Variants in ACSF2 observed in about 807,000 individuals in gnomAD.
ACSF2 encodes medium-chain acyl-CoA ligase ACSF2, mitochondrial.
Under a neutral mutation model 79.3 loss-of-function variants are expected in ACSF2, and 52 were observed. The observed-to-expected ratio is 0.66, with a 90% CI of 0.53 to 0.83. ACSF2 has a LOEUF of 0.83. Ranked by LOEUF, ACSF2 falls within the 40% of genes least tolerant of loss-of-function variation. ACSF2 has a pLI of 0.00. For missense variants in ACSF2, 661 were observed against 803.3 expected, an observed-to-expected ratio of 0.82 and a Z score of 2.14; for synonymous variants, 283 against 312.6, an observed-to-expected ratio of 0.91 and a Z score of 1.00.
Position 50,474,774 on chromosome 17 carries a change from C to T in ACSF2, c.*222C>T. On this transcript the variant is annotated 3_prime_UTR_variant, in exon 16 of 16. Coordinates refer to ENST00000300441, the MANE Select transcript of ACSF2 (RefSeq NM_025149.6). The surrounding 1 kb of genome is among the most constrained non-coding windows in gnomAD (Gnocchi z 4.2). The stretch of plus-strand genomic sequence containing the variant: ...AGCCTGCCCAGGCCCTCCCTCCTGT[C>T]CATCCCCCACATTCCCCTGTCTGTC... 1.8e-6 allele frequency: 1 copy of T among 567,470 alleles called. No homozygotes were observed. Among genetic ancestry groups the T allele is most frequent in the African/African-American group, 1.9e-5 (1 of 53,034 alleles). 35.2% of individuals were successfully genotyped at this position (567,470 alleles called of 1,614,324 possible).
chr17:50,447,498 C>T (rs190688108), intron 1 of ACSF2, among the ~76,000 whole-genome samples: 56 of 151,984 alleles, frequency 3.7e-4, no homozygotes, highest in Non-Finnish European at 5.4e-4. Flanking sequence ...GCCGAGATCG[C>T]GCCACTGCAC....
chr17:50,429,476 C>T (rs1159223390), intron 1 of ACSF2, among the ~76,000 whole-genome samples: 2 of 152,016 alleles, frequency 1.3e-5, no homozygotes, highest in African/African-American at 2.4e-5. Flanking sequence ...GCTGGACGTC[C>T]TCCTCTCCGT....
chr17:50,436,097 TTTG>T lies in ACSF2; in HGVS notation c.128+9726_128+9728del, dbSNP rs143622318. 1.0e-3 allele frequency among the ~76,000 whole-genome samples: 152 copies of T among 152,132 alleles called. 1 individual carries two copies. Among genetic ancestry groups the T allele is most frequent in the African/African-American group, 3.3e-3 (138 of 41,504 alleles). ...ATGTGAGACTTAGTCAGAGTTCATTTTTGTTGTTGTTGTTGTTGTTATTTTTTA... is the reference window on the plus strand; with the variant it reads ...ATGTGAGACTTAGTCAGAGTTCATTTTTGTTGTTGTTGTTGTTATTTTTTA... On this transcript the variant is annotated intron_variant, in intron 1 of 15. Transcript: ENST00000300441.
At chr17:50,434,874 C>A (rs542978043) in intron 1 of ACSF2, among the ~76,000 whole-genome samples, 97 of 148,506 alleles carry the variant, frequency 6.5e-4, no homozygotes, top group African/African-American at 2.3e-3. Context: ...TTTTTTTTTT[C>A]TTTTTTTTAT....
At chr17:50,461,720 G>C in intron 4 of ACSF2, 34 bp downstream of exon 4, 7 of 1,613,308 alleles carry the variant, frequency 4.3e-6, no homozygotes, top group Non-Finnish European at 5.1e-6. Context: ...GGCCCGGCTG[G>C]GGCCTGGCAC....
chr17:50,429,895 T>A (rs1156301003), intron 1 of ACSF2, among the ~76,000 whole-genome samples: 1 of 152,214 alleles, frequency 6.6e-6, no homozygotes, highest in Non-Finnish European at 1.5e-5. Flanking sequence ...TCCTTCCCCC[T>A]ATCTATGTGC....
chr17:50,440,585 G>A (rs1328541665), intron 1 of ACSF2, among the ~76,000 whole-genome samples: 1 of 152,248 alleles, frequency 6.6e-6, no homozygotes, highest in African/African-American at 2.4e-5. Context: ...ACATGACCAT[G>A]TCAGAACTGT....
At chr17:50,461,164 C>T in intron 2 of ACSF2, 78 bp from the exon 3 acceptor site, 1 of 1,597,946 alleles carries the variant, frequency 6.3e-7, no homozygotes, top group Non-Finnish European at 8.5e-7. Context: ...GAACTCCGGG[C>T]TAAGGGCTGA....
At position 50,460,753 on chromosome 17, in the gene ACSF2, C is replaced by A. The variant is rs2032282178; in HGVS notation, c.205C>A (p.Leu69Ile). 2 of 1,613,500 alleles carry A rather than the reference C, an allele frequency of 1.2e-6. No homozygotes were observed. The highest frequency in any genetic ancestry group is 2.2e-5 in the South Asian group (2 of 90,858). The change falls in exon 2 of 16, where the codon CTT becomes ATT. Residue 69 changes from leucine to isoleucine, a missense_variant. Coordinates refer to ENST00000300441, the MANE Select transcript of ACSF2 (RefSeq NM_025149.6). ...CGTTCAGGGGTGCACCAAAAAGCATCTTAACAGCAAGACTGTGGGCCAGTG... is the reference window on the plus strand; with the variant it reads ...CGTTCAGGGGTGCACCAAAAAGCATATTAACAGCAAGACTGTGGGCCAGTG... ...SYVQGCTKKH[L>I]NSKTVGQCLE...
chr17:50,469,519 C>G (rs2143790177), intron 10 of ACSF2, among the ~76,000 whole-genome samples: 1 of 152,310 alleles, frequency 6.6e-6, no homozygotes, highest in Non-Finnish European at 1.5e-5. Flanking sequence ...TCCAACCCCG[C>G]TTGCGTTTCT....
chr17:50,437,281 A>G (rs2030509098), intron 1 of ACSF2, among the ~76,000 whole-genome samples: 2 of 152,270 alleles, frequency 1.3e-5, no homozygotes, highest in African/African-American at 4.8e-5. Context: ...AATATGTTGA[A>G]TGAGGACTGA....
At position 50,464,771 on chromosome 17, in the gene ACSF2, G is replaced by GC. The variant is rs1555611937; in HGVS notation, c.1215+477_1215+478insC. On this transcript the variant is annotated intron_variant, in intron 10 of 15. Transcript: ENST00000300441. ...ACCTGTTGTGGTTCTGATTGACTTG[G>GC]GGGGGGGGTCTCAGCAACAGCTTCT... 4.3e-5 allele frequency: 14 copies of GC among 328,800 alleles called. 2 individuals carry two copies. The highest frequency in any genetic ancestry group is 1.1e-4 in the South Asian group (5 of 44,828). The allele number at this position is 328,800 out of a possible 1,614,324, so 20.4% of individuals were successfully genotyped here. A position where few individuals can be genotyped will look rare whatever the true frequency, so the allele number is the denominator to read the frequency against.
rs1046908425 is a variant in ACSF2 at position 50,472,617 on chromosome 17, A to AGG, written c.1475+41_1475+42dup. ...GGCGGGGTGGAGGCTCTGGCCGCTG[A>AGG]GGGGAGGCTGGAGGTCTTGAGGCTG... On this transcript the variant is annotated intron_variant, in intron 12 of 15. Transcript: ENST00000300441. 3 of 1,562,882 alleles carry AGG rather than the reference A, an allele frequency of 1.9e-6. No individual in the cohort carries two copies. The African/African-American group carries it at 4.1e-5, about 21-fold the overall frequency.
At chr17:50,437,616 A>G (rs1446430491) in intron 1 of ACSF2, among the ~76,000 whole-genome samples, 3 of 151,886 alleles carry the variant, frequency 2.0e-5, no homozygotes, top group Admixed American at 2.0e-4. Context: ...TGATCACGCC[A>G]TTGCACTCCA....
chr17:50,438,288 A>G (rs921594650), intron 1 of ACSF2, among the ~76,000 whole-genome samples: 16 of 152,246 alleles, frequency 1.1e-4, no homozygotes, highest in Admixed American at 4.6e-4. Flanking sequence ...CAGCAAGCTC[A>G]AGATCTAAGA....
At chr17:50,460,993 C>A (rs2032295973) in intron 2 of ACSF2, 121 bp downstream of exon 2, 3 of 1,259,780 alleles carry the variant, frequency 2.4e-6, no homozygotes, top group African/African-American at 1.5e-5. Flanking sequence ...TGCCAGAGAA[C>A]CCCGAGGGAT....
chr17:50,468,156 C>G, intron 10 of ACSF2: 1 of 1,614,210 alleles, frequency 6.2e-7, no homozygotes, highest in Non-Finnish European at 8.5e-7. Flanking sequence ...TCCTCCACCA[C>G]CCGTAGCTTG....
At chr17:50,468,545 A>G in intron 10 of ACSF2, 1 of 1,614,236 alleles carries the variant, frequency 6.2e-7, no homozygotes, top group Non-Finnish European at 8.5e-7. Flanking sequence ...ACCGGCGGCC[A>G]CCTCGCGGAT....
chr17:50,466,490 A>C (rs1800068117), intron 10 of ACSF2, among the ~76,000 whole-genome samples: 1 of 152,196 alleles, frequency 6.6e-6, no homozygotes, highest in Non-Finnish European at 1.5e-5. Context: ...GACCACACCC[A>C]GCTCCTCTTC....
Sources: allele counts gnomAD v4.1 joint callset (sites outside exome capture counted in the v4.1 genomes callset), GRCh38; gene constraint gnomAD v4.1.1; non-coding constraint Gnocchi (gnomAD v3.1); transcripts MANE v1.5; gene names NCBI Gene and HGNC (gene_info 2026-07-23, HGNC 2026-07-21).